Variants in NEK11 observed in about 807,000 individuals in gnomAD.
The protein encoded by NEK11 is serine/threonine-protein kinase Nek11.
A neutral mutation model predicts 80.7 loss-of-function variants in NEK11; 72 were observed. The observed-to-expected ratio is 0.89, with a 90% CI of 0.74 to 1.08. The LOEUF (loss-of-function observed/expected upper bound fraction) is 1.08, where lower values mean the gene tolerates loss of function less well. Ranked by LOEUF, NEK11 falls within the 50% of genes least tolerant of loss-of-function variation. The pLI is 0.00. For missense variants in NEK11, 764 were observed against 763.6 expected (o/e 1.00, Z -0.01); for synonymous variants, 251 against 260.7 (o/e 0.96, Z 0.36).
chr3:131,082,546 T>G (rs966376997), intron 4 of NEK11, among the ~76,000 whole-genome samples: 6 of 152,256 alleles, frequency 3.9e-5, no homozygotes, highest in Non-Finnish European at 8.8e-5. Context: ...TCTTTAGCAC[T>G]TGCTGTGCGG....
intron 14 of NEK11, among the ~76,000 whole-genome samples, chr3:131,176,039 G>T (rs1176457044): frequency 2.0e-5 from 3 of 152,266 alleles, no homozygotes; most frequent in Non-Finnish European, 4.4e-5. Flanking sequence ...CCTTTCCAAG[G>T]AGGAAAGTTG....
chr3:131,210,810 G>A (rs1015258632), intron 14 of NEK11, among the ~76,000 whole-genome samples: 1 of 151,416 alleles, frequency 6.6e-6, no homozygotes, highest in African/African-American at 2.4e-5. Context: ...GCTTTTTTTT[G>A]TTTTCCATTT....
intron 14 of NEK11, among the ~76,000 whole-genome samples, chr3:131,219,091 C>T (rs2094934783): frequency 6.6e-6 from 1 of 152,126 alleles, no homozygotes. Context: ...GACACATGCA[C>T]ATGTATGTTT....
chr3:131,156,723 A>G (rs1038449000), intron 10 of NEK11, among the ~76,000 whole-genome samples: 2 of 152,152 alleles, frequency 1.3e-5, no homozygotes, highest in African/African-American at 2.4e-5. Flanking sequence ...CTCTATGACT[A>G]TAAAAAAAAG....
intron 17 of NEK11, among the ~76,000 whole-genome samples, chr3:131,345,428 G>A (rs368764234): frequency 1.6e-4 from 24 of 152,244 alleles, no homozygotes; most frequent in African/African-American, 4.8e-4. Flanking sequence ...AATGGCCAAC[G>A]GATATGAAAA....
At chr3:131,207,257 G>A (rs572840347) in intron 14 of NEK11, among the ~76,000 whole-genome samples, 23 of 152,304 alleles carry the variant, frequency 1.5e-4, no homozygotes, top group African/African-American at 3.4e-4. Context: ...CTTCCACAAT[G>A]GTTGAACTAG....
chr3:131,072,083 T>C (rs1461841507), intron 3 of NEK11: 1 of 152,208 alleles, frequency 6.6e-6, no homozygotes, highest in East Asian at 1.9e-4. Context: ...AGTGGTAGTA[T>C]CAGGAAATGG....
intron 4 of NEK11, among the ~76,000 whole-genome samples, chr3:131,089,974 T>A (rs534660416): frequency 6.6e-6 from 1 of 152,222 alleles, no homozygotes; most frequent in East Asian, 1.9e-4. Flanking sequence ...CAGGACAGAA[T>A]AATTTTTGAA....
chr3:131,107,766 C>T (rs1028754337), intron 4 of NEK11, among the ~76,000 whole-genome samples: 9 of 152,150 alleles, frequency 5.9e-5, no homozygotes, highest in South Asian at 4.2e-4. Flanking sequence ...AGCAGACCTA[C>T]GCAGTTCAAA....
chr3:131,331,711 C>G (rs1266864074), intron 17 of NEK11, among the ~76,000 whole-genome samples: 1 of 152,202 alleles, frequency 6.6e-6, no homozygotes, highest in African/African-American at 2.4e-5. Context: ...CTTTCCTAGT[C>G]AAAGAAAGGG....
intron 3 of NEK11, among the ~76,000 whole-genome samples, chr3:131,070,586 C>G (rs573033975): frequency 1.3e-5 from 2 of 152,132 alleles, no homozygotes; most frequent in African/African-American, 4.8e-5. Context: ...AGTGCCTCAT[C>G]GAAAGCAAAA....
chr3:131,186,567 A>G (rs2093610340), intron 14 of NEK11, among the ~76,000 whole-genome samples: 1 of 152,180 alleles, frequency 6.6e-6, no homozygotes, highest in African/African-American at 2.4e-5. Context: ...AGAACCTGGG[A>G]CAAAGTTCTT....
At chr3:131,257,731 A>G (rs2108412801) in intron 16 of NEK11, among the ~76,000 whole-genome samples, 1 of 152,326 alleles carries the variant, frequency 6.6e-6, no homozygotes, top group East Asian at 1.9e-4. Flanking sequence ...GTGGTAATGT[A>G]AACTAGTACA....
chr3:131,096,605 C>G (rs1282713226), intron 4 of NEK11, among the ~76,000 whole-genome samples: 1 of 152,136 alleles, frequency 6.6e-6, no homozygotes, highest in Non-Finnish European at 1.5e-5. Flanking sequence ...AATCTCTAAA[C>G]TGCTTTCCAC....
At chr3:131,235,174 GC>G (rs956317460) in intron 15 of NEK11, among the ~76,000 whole-genome samples, 1 of 152,136 alleles carries the variant, frequency 6.6e-6, no homozygotes, top group African/African-American at 2.4e-5. Flanking sequence ...ACTGTGAGAT[GC>G]CCTGTGCTCC....
chr3:131,064,346 G>C (rs1033345043), intron 3 of NEK11, among the ~76,000 whole-genome samples: 1 of 152,088 alleles, frequency 6.6e-6, no homozygotes, highest in Non-Finnish European at 1.5e-5. Flanking sequence ...ATTTTTTTCT[G>C]AGGCTGCTCT....
At chr3:131,115,954 C>A (rs561456534) in intron 5 of NEK11, among the ~76,000 whole-genome samples, 6 of 139,364 alleles carry the variant, frequency 4.3e-5, no homozygotes, top group African/African-American at 1.1e-4. Flanking sequence ...TTCTTTCTTT[C>A]TTTCTTTCTT....
rs542907888 is a variant in NEK11 at position 131,134,064 on chromosome 3, A to G, written c.647+108A>G. 1.6e-5 allele frequency: 15 copies of G among 952,468 alleles called. 1 individual carries two copies. The highest frequency in any genetic ancestry group is 2.3e-4 in the Middle Eastern group (1 of 4,334). 59.0% of individuals were successfully genotyped at this position (952,468 alleles called of 1,614,324 possible). A position where few individuals can be genotyped will look rare whatever the true frequency, so the allele number is the denominator to read the frequency against. On this transcript the variant is annotated intron_variant, in intron 7 of 17. Transcript: ENST00000383366. ...CATACATTCACTTTATCCCTTTGACATGAATATTTCTGTGACCAGAGTAAA... is the reference window on the plus strand; with the variant it reads ...CATACATTCACTTTATCCCTTTGACGTGAATATTTCTGTGACCAGAGTAAA...
chr3:131,276,302 C>T (rs991144449), intron 17 of NEK11, among the ~76,000 whole-genome samples: 3 of 152,106 alleles, frequency 2.0e-5, no homozygotes, highest in African/African-American at 7.2e-5. Flanking sequence ...GAGACCAACA[C>T]CTGTAGAAAG....
Sources: gnomAD v4.1 joint callset for allele counts (sites outside exome capture counted in the v4.1 genomes callset) on GRCh38, gnomAD v4.1.1 for gene constraint, MANE v1.5 for transcripts, NCBI Gene and HGNC (gene_info 2026-07-23, HGNC 2026-07-21) for gene names.